The following THOC1 variants were observed in gnomAD, a reference collection of about 807,000 sequenced individuals.
The protein encoded by THOC1 is THO complex subunit 1.
In THOC1, 29 loss-of-function variants were observed where a neutral mutation model predicts 97.3. The ratio of observed to expected loss-of-function variants is 0.30; its 90% CI spans 0.22 to 0.41. The LOEUF is 0.41. Ranked by LOEUF, THOC1 falls within the 10% of genes least tolerant of loss-of-function variation. THOC1 has a pLI of 1.00. For missense variants in THOC1, 529 were observed against 761.9 expected, an observed-to-expected ratio of 0.69 and a Z score of 3.60; for synonymous variants, 255 against 257.0, an observed-to-expected ratio of 0.99 and a Z score of 0.07.
intron 19 of THOC1, 71 bp downstream of exon 19, chr18:216,415 C>CTCACATAGTGACAGCAATTTTAAAGA: frequency 6.6e-7 from 1 of 1,514,972 alleles, no homozygotes; most frequent in African/African-American, 1.4e-5. Context: ...CAGTTTTTTG[C>CTCACATAGTGACAGCAATTTTAAAGA]TCACATAGTG....
At chr18:252,634 T>C (rs368793737) in intron 8 of THOC1, 22 bp from the exon 9 acceptor site, 6 of 1,578,440 alleles carry the variant, frequency 3.8e-6, no homozygotes, top group Non-Finnish European at 4.3e-6. Flanking sequence ...AAAAAATGTA[T>C]AGCCTGTCAT....
intron 19 of THOC1, 117 bp from the exon 20 acceptor site, chr18:215,621 C>T (rs1910853428): frequency 1.4e-6 from 1 of 725,016 alleles, no homozygotes; most frequent in East Asian, 2.7e-5. Context: ...CAGAACCTCA[C>T]CCCTGAGAGC....
intron 11 of THOC1, among the ~76,000 whole-genome samples, chr18:236,894 T>C: frequency 6.6e-6 from 1 of 152,214 alleles, no homozygotes; most frequent in African/African-American, 2.4e-5. Flanking sequence ...GTATGACCTC[T>C]AGTTGGCCTA....
chr18:262,326 C>T (rs1006676466), intron 4 of THOC1, among the ~76,000 whole-genome samples: 2 of 152,148 alleles, frequency 1.3e-5, no homozygotes, highest in East Asian at 3.8e-4. Flanking sequence ...GCATCTCACA[C>T]TGAATAGAAG....
At position 215,443 on chromosome 18, in the gene THOC1, A is replaced by T. The variant is rs752909026; in HGVS notation, c.1664T>A (p.Leu555Gln). ...TCAGTTCTTACTTTCATTTTCCTTC[A>T]GTAGAGCATCATTATCTTCCTCATC... ...DEDEEDNDALLKENESPDVRR... is the reference protein window; with the variant it reads ...DEDEEDNDALQKENESPDVRR... Residue 555 changes from leucine to glutamine, a missense_variant, in exon 20 of 21, where the codon CTG becomes CAG. Leu to Gln is a moderately radical substitution (Grantham distance 113). This residue lies in a region of THOC1 where 27 missense variants were observed against 80.6 expected (regional missense o/e 0.33). Coordinates refer to ENST00000261600, the MANE Select transcript of THOC1 (RefSeq NM_005131.3). 1.2e-6 allele frequency: 2 copies of T among 1,613,464 alleles called. No individual in the cohort carries two copies. The highest frequency in any genetic ancestry group is 1.7e-6 in the Non-Finnish European group (2 of 1,179,510).
rs965917644 is a variant in THOC1 at position 215,001 on chromosome 18, T to C, written c.1679-80A>G. The C allele has an allele frequency of 5.4e-5, 69 of 1,288,828 alleles. No individual in the cohort carries two copies. The Admixed American group carries it at 1.5e-3, about 27-fold the overall frequency. 79.8% of individuals were successfully genotyped at this position (1,288,828 alleles called of 1,614,324 possible). ...GGAAAGCTATGGGGCCAATAAGTTTTATTAACCACCTTTAGTAGACTTTAT... is the reference window on the plus strand; with the variant it reads ...GGAAAGCTATGGGGCCAATAAGTTTCATTAACCACCTTTAGTAGACTTTAT... On this transcript the variant is annotated intron_variant, in intron 20 of 20. Coordinates refer to ENST00000261600, the MANE Select transcript of THOC1 (RefSeq NM_005131.3).
intron 11 of THOC1, among the ~76,000 whole-genome samples, chr18:239,034 G>A (rs1911806298): frequency 6.6e-6 from 1 of 152,064 alleles, no homozygotes. Flanking sequence ...TTATTTTGTT[G>A]TTACCTCTAT....
chr18:233,540 C>T (rs536254621), intron 11 of THOC1, among the ~76,000 whole-genome samples: 3 of 152,202 alleles, frequency 2.0e-5, no homozygotes, highest in Non-Finnish European at 2.9e-5. Context: ...GAGCCAAGAT[C>T]GCGCCACTGC....
At chr18:216,334 A>AT in intron 19 of THOC1, 152 bp downstream of exon 19, 5 of 792,070 alleles carry the variant, frequency 6.3e-6, no homozygotes, top group Non-Finnish European at 8.2e-6. Context: ...GTAAATGTAT[A>AT]TTCCAATGTG....
intron 11 of THOC1, among the ~76,000 whole-genome samples, chr18:238,463 A>AT (rs1911785576): frequency 6.6e-6 from 1 of 152,204 alleles, no homozygotes; most frequent in Non-Finnish European, 1.5e-5. Context: ...CATTGTGTGA[A>AT]TATCATAGAG....
rs377090829 is a variant in THOC1 at position 259,142 on chromosome 18, T to C, written c.520+38A>G. ...TAATCTATTAAAAACTGGAAAAGATTTTCCTGCAGAAAACTCATTTAATGC... is the reference window on the plus strand; with the variant it reads ...TAATCTATTAAAAACTGGAAAAGATCTTCCTGCAGAAAACTCATTTAATGC... On this transcript the variant is annotated intron_variant, in intron 7 of 20. Coordinates refer to ENST00000261600, the MANE Select transcript of THOC1 (RefSeq NM_005131.3). 173 of 1,486,328 alleles carry C rather than the reference T, an allele frequency of 1.2e-4. No homozygotes were observed. The African/African-American group carries it at 2.3e-3, about 19-fold the overall frequency. The allele number at this position is 1,486,328 out of a possible 1,614,324, so 92.1% of individuals were successfully genotyped here. A position where few individuals can be genotyped will look rare whatever the true frequency, so the allele number is the denominator to read the frequency against.
At chr18:251,839 T>A (rs559373785) in intron 9 of THOC1, among the ~76,000 whole-genome samples, 1 of 152,246 alleles carries the variant, frequency 6.6e-6, no homozygotes, top group Non-Finnish European at 1.5e-5. Context: ...CAACCTTAAA[T>A]TGGAATAACT....
intron 1 of THOC1, 150 bp downstream of exon 1, chr18:267,816 C>T: frequency 1.3e-6 from 1 of 784,972 alleles, no homozygotes; most frequent in South Asian, 2.0e-5. Context: ...TCTTTCCCTA[C>T]CCCTCAACCT....
intron 11 of THOC1, among the ~76,000 whole-genome samples, chr18:243,691 G>A (rs1231888048): frequency 6.6e-6 from 1 of 152,056 alleles, no homozygotes; most frequent in African/African-American, 2.4e-5. Context: ...ATATTAAACT[G>A]ACACCTCTGC....
rs780430939 is a variant in THOC1, at chr18:226,792, T to C, written c.1019+9A>G. On this transcript the variant is annotated intron_variant, in intron 12 of 20. Coordinates refer to ENST00000261600, the MANE Select transcript of THOC1 (RefSeq NM_005131.3). ...GTTTACAAATTGTTTACTACCCATA[T>C]TATCTTACCTTTTGAATTTGACCTG... is the stretch of plus-strand genomic sequence containing the variant. The C allele has an allele frequency of 2.5e-6, 4 of 1,598,946 alleles. No homozygotes were observed. Among genetic ancestry groups the C allele is most frequent in the Non-Finnish European group, 3.4e-6 (4 of 1,170,894 alleles).
intron 5 of THOC1, 48 bp downstream of exon 5, chr18:260,138 G>C: frequency 1.6e-6 from 2 of 1,212,348 alleles, no homozygotes; most frequent in Non-Finnish European, 2.2e-6. Flanking sequence ...CAGAATTCTG[G>C]ATCTATAGAA....
At chr18:266,793 T>A (rs1384819547) in intron 1 of THOC1, among the ~76,000 whole-genome samples, 1 of 152,170 alleles carries the variant, frequency 6.6e-6, no homozygotes, top group Non-Finnish European at 1.5e-5. Flanking sequence ...CGCCTCGGCC[T>A]CCCGAAGTAC....
chr18:232,351 G>A (rs1340211047), intron 11 of THOC1, among the ~76,000 whole-genome samples: 1 of 151,994 alleles, frequency 6.6e-6, no homozygotes, highest in Non-Finnish European at 1.5e-5. Flanking sequence ...TCCCGTCTTG[G>A]CCTCCCAAAG....
intron 11 of THOC1, among the ~76,000 whole-genome samples, chr18:243,964 G>A (rs1449139773): frequency 6.6e-6 from 1 of 151,554 alleles, no homozygotes; most frequent in African/African-American, 2.4e-5. Context: ...TCTGCCATTC[G>A]CTGGATTTAT....
Sources: allele counts gnomAD v4.1 joint callset (sites outside exome capture counted in the v4.1 genomes callset), GRCh38; gene constraint gnomAD v4.1.1; regional missense constraint gnomAD v4.1.1; transcripts MANE v1.5; gene names NCBI Gene and HGNC (gene_info 2026-07-23, HGNC 2026-07-21).